Variants in CACNA1B observed in about 807,000 individuals in gnomAD.
CACNA1B encodes the protein calcium voltage-gated channel subunit alpha1 B, also known as voltage-dependent N-type calcium channel subunit alpha-1B.
CACNA1B carries 70 observed loss-of-function variants against 247.2 expected under a neutral mutation model. The ratio of observed to expected loss-of-function variants is 0.28; its 90% confidence interval spans 0.23 to 0.35. CACNA1B has a LOEUF of 0.35. Among genes scored for constraint, CACNA1B ranks in the 10% least tolerant of loss-of-function variants. The probability of loss-of-function intolerance (pLI) is 1.00; values close to 1 mark genes in which losing one functional copy is unlikely to be tolerated. For synonymous variants in CACNA1B, 1,231 were observed against 1,294.4 expected (o/e 0.95, Z 1.05); for missense variants, 2,367 against 3,197.4 (o/e 0.74, Z 6.26).
intron 20 of CACNA1B, chr9:138,040,576 G>A (rs1246717811): frequency 1.4e-5 from 6 of 436,678 alleles, no homozygotes; most frequent in Non-Finnish European, 2.8e-5. Context: ...GCAAGCTGAG[G>A]AGCAAGGAGA....
chr9:137,904,336 TTC>T lies in CACNA1B; in HGVS notation c.531-8828_531-8827del, dbSNP rs1263098926. Among the ~76,000 whole-genome samples the T allele has an allele frequency of 7.3e-5, 11 of 150,204 alleles. No homozygotes were observed. The South Asian group carries it at 8.4e-4, about 11-fold the overall frequency. On this transcript the variant is annotated intron_variant, in intron 3 of 46. Transcript: ENST00000371372. Reference sequence around the variant, plus strand: ...AAAATATGTATATATATTTTACTATTTCTCTCTCTCTCTCTCTTTTTTTTTTT... The same window carrying T: ...AAAATATGTATATATATTTTACTATTTCTCTCTCTCTCTCTTTTTTTTTTT...
chr9:138,053,240 C>G (rs1338871594), intron 25 of CACNA1B, among the ~76,000 whole-genome samples: 1 of 152,220 alleles, frequency 6.6e-6, no homozygotes, highest in Non-Finnish European at 1.5e-5. Context: ...TTGGTCATTC[C>G]CGTTTCTGTG....
chr9:138,000,864 ATC>A (rs1564230886), intron 15 of CACNA1B, among the ~76,000 whole-genome samples: 1 of 152,220 alleles, frequency 6.6e-6, no homozygotes, highest in East Asian at 1.9e-4. Flanking sequence ...AATTAAAAAA[ATC>A]TCTTTTTCCT....
chr9:138,086,554 A>C (rs1201910631), intron 36 of CACNA1B, among the ~76,000 whole-genome samples: 1 of 151,196 alleles, frequency 6.6e-6, no homozygotes, highest in East Asian at 2.0e-4. Context: ...AAAAAATTTT[A>C]GGGCAAGGAA....
intron 6 of CACNA1B, among the ~76,000 whole-genome samples, chr9:137,947,989 T>TC (rs1229676646): frequency 1.4e-5 from 2 of 144,034 alleles, no homozygotes; most frequent in Non-Finnish European, 3.0e-5. Context: ...TTTTTTTTTT[T>TC]TTTTTTTTTG....
Position 137,913,303 on chromosome 9 carries a change from T to A in CACNA1B, c.622+32T>A. On this transcript the variant is annotated intron_variant, in intron 4 of 46. Coordinates refer to ENST00000371372, the MANE Select transcript of CACNA1B (RefSeq NM_000718.4). The surrounding 1 kb of genome is among the most constrained non-coding windows in gnomAD (Gnocchi z 5.2). ...CCAGCGAAGACAGGCCCAAGCCGGC[T>A]TGGAGTAACAACCTCCTCTCCTACC... 1 of 1,544,548 alleles carries A rather than the reference T, an allele frequency of 6.5e-7. No homozygotes were observed. The highest frequency in any genetic ancestry group is 8.9e-7 in the Non-Finnish European group (1 of 1,117,408).
chr9:138,073,354 G>A lies in CACNA1B; in HGVS notation c.4675-134G>A. ...ATTGCTGCTTAGACTGTGAAGCAGA[G>A]ACCTTTGATTTTAATCTTTTTAACC... is the stretch of plus-strand genomic sequence containing the variant. On this transcript the variant is annotated intron_variant, in intron 32 of 46. Coordinates refer to ENST00000371372, the MANE Select transcript of CACNA1B (RefSeq NM_000718.4). The surrounding 1 kb of genome is among the most constrained non-coding windows in gnomAD (Gnocchi z 6.4). The A allele has an allele frequency of 1.6e-6, 1 of 622,274 alleles. No individual in the cohort carries two copies. The highest frequency in any genetic ancestry group is 2.9e-6 in the Non-Finnish European group (1 of 341,266). The allele number at this position is 622,274 out of a possible 1,614,324, so 38.5% of individuals were successfully genotyped here.
intron 42 of CACNA1B, among the ~76,000 whole-genome samples, chr9:138,116,277 T>C (rs1303483201): frequency 2.6e-5 from 4 of 152,256 alleles, no homozygotes; most frequent in Admixed American, 6.5e-5. Context: ...GAAGCTGTTA[T>C]ATTTTGTAAA....
At chr9:137,927,759 G>GT (rs1484478723) in intron 6 of CACNA1B, among the ~76,000 whole-genome samples, 1 of 152,090 alleles carries the variant, frequency 6.6e-6, no homozygotes, top group African/African-American at 2.4e-5. Context: ...TTGAGTTGTT[G>GT]TTTTTTCTTT....
At chr9:138,000,328 G>A (rs1200849668) in intron 15 of CACNA1B, among the ~76,000 whole-genome samples, 1 of 152,110 alleles carries the variant, frequency 6.6e-6, no homozygotes. Context: ...TCGATCTCCT[G>A]ACCTCGTGAT....
rs1331151201 is a variant in CACNA1B, at chr9:138,010,745, C to T, written c.2160+668C>T. Among the ~76,000 whole-genome samples, 3 of 152,178 alleles carry T rather than the reference C, an allele frequency of 2.0e-5. No homozygotes were observed. The highest frequency in any genetic ancestry group is 2.9e-5 in the Non-Finnish European group (2 of 68,012). On this transcript the variant is annotated intron_variant, in intron 17 of 46. Transcript: ENST00000371372. This position sits in a 1 kb window ranked among gnomAD's most constrained non-coding sequence, Gnocchi z 5.3. ...CCATGTATGTGTCACTGTGTGCCCTCTTCTGCCTGTGCACCATCCCTGGAC... is the reference window on the plus strand; with the variant it reads ...CCATGTATGTGTCACTGTGTGCCCTTTTCTGCCTGTGCACCATCCCTGGAC...
In CACNA1B at chr9:137,913,190, A is replaced by G. The variant is rs767626146; in HGVS notation, c.541A>G (p.Thr181Ala). 1.2e-6 allele frequency: 2 copies of G among 1,613,782 alleles called. No homozygotes were observed. Among genetic ancestry groups the G allele is most frequent in the South Asian group, 2.2e-5 (2 of 91,052 alleles). The part of the protein sequence containing the change: ...FVVVLTGILA[T>A]AGTDFDLRTL... ...CCTTGTTTCTGCCAGGATCCTTGCCACGGCTGGAACTGACTTCGACCTGCG... is the reference window on the plus strand; with the variant it reads ...CCTTGTTTCTGCCAGGATCCTTGCCGCGGCTGGAACTGACTTCGACCTGCG... Residue 181 changes from threonine to alanine, a missense_variant, in exon 4 of 47, where the codon ACG becomes GCG. By Grantham distance (58) the Thr-to-Ala change is moderately conservative. Coordinates refer to ENST00000371372, the MANE Select transcript of CACNA1B (RefSeq NM_000718.4). The surrounding 1 kb of genome is among the most constrained non-coding windows in gnomAD (Gnocchi z 5.2).
chr9:137,959,066 TTTTA>T (rs1186501857), intron 10 of CACNA1B, among the ~76,000 whole-genome samples: 6 of 152,176 alleles, frequency 3.9e-5, no homozygotes, highest in African/African-American at 1.2e-4. Flanking sequence ...TATAATTTTA[TTTTA>T]TTTAATTAAT....
intron 36 of CACNA1B, among the ~76,000 whole-genome samples, chr9:138,083,329 A>G (rs1428268151): frequency 6.6e-6 from 1 of 150,560 alleles, no homozygotes; most frequent in Non-Finnish European, 1.5e-5. Context: ...CAGCTGTTAC[A>G]CCCTTCCCTG....
rs1961399097 is a variant in CACNA1B, at chr9:138,105,683, CCCTG to C, written c.5320-14_5320-11del. 2.7e-6 allele frequency: 4 copies of C among 1,456,550 alleles called. No individual in the cohort carries two copies. In the East Asian group the frequency reaches 9.9e-5, roughly 36 times the overall value. The allele number at this position is 1,456,550 out of a possible 1,614,324, so 90.2% of individuals were successfully genotyped here. ...CCCCAGCAGGCCTGGCCCTGACCGG[CCCTG>C]CTTGTCCCTAGCGCCTGGTTCGCAT... On this transcript the variant is annotated splice_polypyrimidine_tract_variant and intron_variant, in intron 38 of 46. Coordinates refer to ENST00000371372, the MANE Select transcript of CACNA1B (RefSeq NM_000718.4).
chr9:138,043,994 G>T, intron 21 of CACNA1B, 94 bp downstream of exon 21: 2 of 1,486,190 alleles, frequency 1.3e-6, no homozygotes, highest in Non-Finnish European at 9.2e-7. Context: ...CTGATTCTGC[G>T]CACTTATGTA....
chr9:137,946,771 A>C (rs1449772801), intron 6 of CACNA1B, among the ~76,000 whole-genome samples: 1 of 152,188 alleles, frequency 6.6e-6, no homozygotes, highest in Non-Finnish European at 1.5e-5. Context: ...AGTTGGAAAG[A>C]GAGACAGAAA....
intron 3 of CACNA1B, among the ~76,000 whole-genome samples, chr9:137,894,529 C>T (rs895537395): frequency 6.6e-6 from 1 of 152,040 alleles, no homozygotes; most frequent in African/African-American, 2.4e-5. Context: ...CTGCCTCAGC[C>T]TCCCGAGTAG....
At chr9:138,079,152 C>T (rs755957454) in intron 36 of CACNA1B, among the ~76,000 whole-genome samples, 4 of 152,164 alleles carry the variant, frequency 2.6e-5, no homozygotes, top group Non-Finnish European at 5.9e-5. Flanking sequence ...CCAGGCCACT[C>T]CCGAGACTGC....
Sources: gnomAD v4.1 joint callset for allele counts (sites outside exome capture counted in the v4.1 genomes callset) on GRCh38, gnomAD v4.1.1 for gene constraint, Gnocchi (gnomAD v3.1) non-coding constraint, MANE v1.5 for transcripts, NCBI Gene and HGNC (gene_info 2026-07-23, HGNC 2026-07-21) for gene names.